The following SLC22A11 variants were observed in gnomAD, a reference collection of about 807,000 sequenced individuals.
SLC22A11 encodes organic anion transporter 4.
In SLC22A11, 42 loss-of-function variants were observed where a neutral mutation model predicts 49.4. That is an observed-to-expected ratio of 0.85 (90% CI 0.66 to 1.10). The LOEUF is 1.10. Ranked by LOEUF, SLC22A11 falls within the 50% of genes least tolerant of loss-of-function variation. The probability of loss-of-function intolerance (pLI) is 0.00; values close to 1 mark genes in which losing one functional copy is unlikely to be tolerated. For synonymous variants in SLC22A11, 304 were observed against 315.8 expected, an observed-to-expected ratio of 0.96 and a Z score of 0.40; for missense variants, 685 against 731.6, an observed-to-expected ratio of 0.94 and a Z score of 0.74.
Position 64,565,702 on chromosome 11 carries a change from C to T in SLC22A11, c.1058+365C>T, listed in dbSNP as rs1402405926. The T allele has an allele frequency of 5.3e-6, 2 of 379,360 alleles. No homozygotes were observed. Among genetic ancestry groups the T allele is most frequent in the Non-Finnish European group, 1.0e-5 (2 of 191,518 alleles). 23.5% of individuals were successfully genotyped at this position (379,360 alleles called of 1,614,324 possible). A position where few individuals can be genotyped will look rare whatever the true frequency, so the allele number is the denominator to read the frequency against. ...ACTGTGTGTCATCGTTAGAGACTTA[C>T]CACTTTCCTAGAGACCATGGCCATG... On this transcript the variant is annotated intron_variant, in intron 6 of 9. Transcript: ENST00000301891. The surrounding 1 kb of genome is among the most constrained non-coding windows in gnomAD (Gnocchi z 4.1).
chr11:64,568,802 C>T, intron 8 of SLC22A11, 24 bp downstream of exon 8: 1 of 1,596,134 alleles, frequency 6.3e-7, no homozygotes, highest in African/African-American at 1.3e-5. Context: ...CAGGCCATGC[C>T]CCAGGGCCAG....
intron 9 of SLC22A11, 76 bp downstream of exon 9, chr11:64,569,934 A>T: frequency 7.0e-7 from 1 of 1,426,034 alleles, no homozygotes; most frequent in Non-Finnish European, 9.7e-7. Context: ...TGGGCTGCCC[A>T]GGGCAAAGGC....
chr11:64,556,568 G>A (rs2038464512), intron 1 of SLC22A11, among the ~76,000 whole-genome samples, 176 bp downstream of exon 1: 1 of 152,192 alleles, frequency 6.6e-6, no homozygotes, highest in South Asian at 2.1e-4. Flanking sequence ...TACAGATGGG[G>A]CCAGCCCAGG....
Position 64,568,775 on chromosome 11 carries a change from T to TGCCGCACTG in SLC22A11, c.1381_1382insCGCACTGGC (p.Val460_Arg461insProHisTrp). The TGCCGCACTG allele has an allele frequency of 6.2e-7, 1 of 1,613,196 alleles. No homozygotes were observed. Among genetic ancestry groups the TGCCGCACTG allele is most frequent in the Non-Finnish European group, 8.5e-7 (1 of 1,179,354 alleles). On this transcript the variant is annotated inframe_insertion, in exon 8 of 10. Transcript: ENST00000301891. ...AAGGCTGAACTCTTTCCAACGCCAG[T>TGCCGCACTG]GCGGTAAGCTGGGCTGCAGGCCATG...
At chr11:64,561,899 G>A in intron 2 of SLC22A11, 105 bp from the exon 3 acceptor site, 1 of 1,358,922 alleles carries the variant, frequency 7.4e-7, no homozygotes, top group Non-Finnish European at 1.0e-6. Flanking sequence ...CTGGCTGCAA[G>A]AGATCCCCTG....
rs1232941343 is a variant in SLC22A11 at position 64,565,351 on chromosome 11, G to A, written c.1058+14G>A. On this transcript the variant is annotated intron_variant, in intron 6 of 9. Coordinates refer to ENST00000301891, the MANE Select transcript of SLC22A11 (RefSeq NM_018484.4). This position sits in a 1 kb window ranked among gnomAD's most constrained non-coding sequence, Gnocchi z 4.1. ...GCTGGTGGTGAAGTACGCCGTCCTG[G>A]TGTCCCTCCCCAAGGCAGGGCTGGG... is the stretch of plus-strand genomic sequence containing the variant. The A allele has an allele frequency of 1.3e-6, 2 of 1,544,092 alleles. No homozygotes were observed. Among genetic ancestry groups the A allele is most frequent in the South Asian group, 1.2e-5 (1 of 83,950 alleles).
At position 64,567,462 on chromosome 11, in the gene SLC22A11, G is replaced by A. The variant is rs967139611; in HGVS notation, c.1059-137G>A. 5.4e-5 allele frequency: 42 copies of A among 780,054 alleles called. No homozygotes were observed. In the Middle Eastern group the frequency reaches 1.2e-3, roughly 21 times the overall value. 48.3% of individuals were successfully genotyped at this position (780,054 alleles called of 1,614,324 possible). A position where few individuals can be genotyped will look rare whatever the true frequency, so the allele number is the denominator to read the frequency against. On this transcript the variant is annotated intron_variant, in intron 6 of 9. Transcript: ENST00000301891. ...CTGAGTTTGGCAGGCTTCTGGGATC[G>A]CTGGCCGAGACAAGCCCAGGATTGT... is the stretch of plus-strand genomic sequence containing the variant.
chr11:64,562,211 G>C lies in SLC22A11; in HGVS notation c.652+53G>C. The C allele has an allele frequency of 6.2e-7, 1 of 1,603,790 alleles. No individual in the cohort carries two copies. Among genetic ancestry groups the C allele is most frequent in the Non-Finnish European group, 8.5e-7 (1 of 1,173,110 alleles). On this transcript the variant is annotated intron_variant, in intron 3 of 9. Transcript: ENST00000301891. The surrounding 1 kb of genome is among the most constrained non-coding windows in gnomAD (Gnocchi z 4.4). ...CCATGGGGGCGGGGGTGGCAGGAGA[G>C]AATGGGGCTCAGGCCGCCGCATGAG...
rs768815838 is a variant in SLC22A11 at position 64,567,756 on chromosome 11, GCGGGTTC to G, written c.1218_1224del (p.Gly407ArgfsTer9). On this transcript the variant is annotated frameshift_variant, in exon 7 of 10. Transcript: ENST00000301891. LOFTEE classifies it high-confidence loss of function. ...TTTCCTTGGCCGCCGCACCATCCAG[GCGGGTTC>G]CCAGGCCATGGCCGGCCTCGCCATT... The G allele has an allele frequency of 6.2e-7, 1 of 1,612,894 alleles. No homozygotes were observed. Among genetic ancestry groups the G allele is most frequent in the East Asian group, 2.2e-5 (1 of 44,874 alleles).
In SLC22A11 at chr11:64,568,711, G is replaced by A; in HGVS notation, c.1315G>A (p.Gly439Arg). 6.2e-7 allele frequency: 1 copy of A among 1,614,156 alleles called. No individual in the cohort carries two copies. The highest frequency in any genetic ancestry group is 8.5e-7 in the Non-Finnish European group (1 of 1,180,020). ...LRVVFAVLGK[G>R]CFGISLTCLT... ...TGTGGTCTTTGCTGTGCTGGGAAAG[G>A]GATGTTTTGGGATAAGCCTAACCTG... Residue 439 changes from glycine (G) to arginine (R), a missense_variant, in exon 8 of 10, where the codon GGA (glycine) becomes AGA (arginine). Gly to Arg is a moderately radical substitution (Grantham distance 125). Coordinates refer to ENST00000301891, the MANE Select transcript of SLC22A11 (RefSeq NM_018484.4).
intron 9 of SLC22A11, among the ~76,000 whole-genome samples, chr11:64,570,404 G>A (rs2135427819): frequency 6.6e-6 from 1 of 152,326 alleles, no homozygotes; most frequent in Non-Finnish European, 1.5e-5. Context: ...GTGGGCTTTA[G>A]CCTCCTCCTT....
chr11:64,559,449 GTTCCCCTCACA>G, intron 2 of SLC22A11, among the ~76,000 whole-genome samples: 1 of 151,866 alleles, frequency 6.6e-6, no homozygotes, highest in East Asian at 1.9e-4. Context: ...CCCTGGCCTG[GTTCCCCTCACA>G]GGGAGGCCAC....
At chr11:64,561,966 C>A in intron 2 of SLC22A11, 38 bp from the exon 3 acceptor site, 1 of 1,579,390 alleles carries the variant, frequency 6.3e-7, no homozygotes. Flanking sequence ...TCCTCAGGGG[C>A]CCCTCTCCAG....
chr11:64,561,997 G>T lies in SLC22A11; in HGVS notation c.498-7G>T. ...TCCAGGCCCCGTGTGCTTCTCTCCT[G>T]TGACAGGTTTGGGAGGAAGCCGATG... On this transcript the variant is annotated splice_region_variant and splice_polypyrimidine_tract_variant and intron_variant, in intron 2 of 9. Coordinates refer to ENST00000301891, the MANE Select transcript of SLC22A11 (RefSeq NM_018484.4). The T allele has an allele frequency of 6.2e-7, 1 of 1,610,354 alleles. No individual in the cohort carries two copies. Among genetic ancestry groups the T allele is most frequent in the Non-Finnish European group, 8.5e-7 (1 of 1,177,854 alleles).
intron 6 of SLC22A11, chr11:64,566,756 G>GGGTGATGCAATCA (rs1417164134): frequency 6.6e-6 from 1 of 152,194 alleles, no homozygotes; most frequent in African/African-American, 2.4e-5. Context: ...GATGTTTATT[G>GGGTGATGCAATCA]GGTGATGCAA....
In SLC22A11 at chr11:64,564,829, C is replaced by T. The variant is rs1027837354; in HGVS notation, c.943-393C>T. 3.2e-4 allele frequency among the ~76,000 whole-genome samples: 48 copies of T among 152,354 alleles called. No individual in the cohort carries two copies. The highest frequency in any genetic ancestry group is 1.1e-3 in the African/African-American group (44 of 41,580). The stretch of plus-strand genomic sequence containing the variant: ...ACACCGTCACCTCCATCACCCACCA[C>T]CTCCACCTGCATGTAGCACGCACCC... On this transcript the variant is annotated intron_variant, in intron 5 of 9. Coordinates refer to ENST00000301891, the MANE Select transcript of SLC22A11 (RefSeq NM_018484.4). This position sits in a 1 kb window ranked among gnomAD's most constrained non-coding sequence, Gnocchi z 4.2.
intron 7 of SLC22A11, 67 bp from the exon 8 acceptor site, chr11:64,568,603 C>T: frequency 2.9e-6 from 4 of 1,358,312 alleles, no homozygotes; most frequent in Non-Finnish European, 4.2e-6. Flanking sequence ...GCTGGCTGGC[C>T]GCACACTGAC....
At chr11:64,560,510 CTG>C (rs2038528930) in intron 2 of SLC22A11, among the ~76,000 whole-genome samples, 1 of 152,244 alleles carries the variant, frequency 6.6e-6, no homozygotes, top group African/African-American at 2.4e-5. Flanking sequence ...GCCTCAGTGA[CTG>C]TGCTTCACCC....
At position 64,564,347 on chromosome 11, in the gene SLC22A11, C is replaced by T. The variant is rs375987406; in HGVS notation, c.861C>T (p.Gly287=). The T allele has an allele frequency of 1.9e-5, 31 of 1,613,966 alleles. No individual in the cohort carries two copies. Among genetic ancestry groups the T allele is most frequent in the Non-Finnish European group, 2.5e-5 (30 of 1,180,044 alleles). ...PESARWLIIK[G]KPDQALQELR... is the part of the protein sequence containing the mutation. ...CCGCCCGGTGGCTGATTATTAAGGG[C>T]AAACCAGACCAAGCACTTCAGGAGC... The change falls in exon 5 of 10, where the codon GGC becomes GGT. Residue 287 remains glycine (G), a synonymous_variant. Coordinates refer to ENST00000301891, the MANE Select transcript of SLC22A11 (RefSeq NM_018484.4). This position sits in a 1 kb window ranked among gnomAD's most constrained non-coding sequence, Gnocchi z 4.2.
Sources: allele counts gnomAD v4.1 joint callset (sites outside exome capture counted in the v4.1 genomes callset), GRCh38; gene constraint gnomAD v4.1.1; non-coding constraint Gnocchi (gnomAD v3.1); transcripts MANE v1.5; gene names NCBI Gene and HGNC (gene_info 2026-07-23, HGNC 2026-07-21).